INTS6L: variants seen among roughly 807,000 people sequenced by gnomAD.
INTS6L encodes the protein integrator complex subunit 6 like.
A neutral mutation model predicts 64.7 loss-of-function variants in INTS6L; 18 were observed. The ratio of observed to expected loss-of-function variants is 0.28; its 90% CI spans 0.19 to 0.41. The LOEUF is 0.41. INTS6L is among the 10% of genes least tolerant of loss of function. INTS6L has a pLI of 1.00. For missense variants in INTS6L, 533 were observed against 661.0 expected (o/e 0.81, Z 2.12); for synonymous variants, 227 against 235.9 (o/e 0.96, Z 0.34).
chrX:135,579,046 G>C (rs1381558549), intron 15 of INTS6L, among the ~76,000 whole-genome samples: 1 of 111,005 alleles, frequency 9.0e-6, no homozygotes, highest in Non-Finnish European at 1.9e-5. Flanking sequence ...AAGGCCTGTA[G>C]ATGACTTCCC....
At chrX:135,521,550 G>C (rs1392550643) in intron 2 of INTS6L, among the ~76,000 whole-genome samples, 4 of 111,017 alleles carry the variant, frequency 3.6e-5, no homozygotes, top group Non-Finnish European at 5.7e-5. Context: ...AACCGCAGGA[G>C]GGCCGAGCTC....
chrX:135,520,796 T>G lies in INTS6L; in HGVS notation c.-197T>G. 4.6e-6 allele frequency: 2 copies of G among 433,969 alleles called. No individual in the cohort carries two copies. Among genetic ancestry groups the G allele is most frequent in the South Asian group, 7.2e-5 (2 of 27,796 alleles). The allele number at this position is 433,969 out of a possible 1,213,427, so 35.8% of individuals were successfully genotyped here. A position where few individuals can be genotyped will look rare whatever the true frequency, so the allele number is the denominator to read the frequency against. ...ACACGCTCACACTTTCAAGTTCCCT[T>G]GGAGGGAGAGGAGGTGGGGCTGCAG... is the stretch of plus-strand genomic sequence containing the variant. On this transcript the variant is annotated 5_prime_UTR_variant, in exon 1 of 18. Coordinates refer to ENST00000639893, the MANE Select transcript of INTS6L (RefSeq NM_001351601.3).
chrX:135,534,750 G>C (rs7878322), intron 2 of INTS6L, among the ~76,000 whole-genome samples: 1 of 101,909 alleles, frequency 9.8e-6, no homozygotes, highest in Non-Finnish European at 2.0e-5. Context: ...TGGCGTTATC[G>C]TAGCTCACTG....
At chrX:135,559,104 T>C (rs1483328424) in intron 9 of INTS6L, among the ~76,000 whole-genome samples, 1 of 111,932 alleles carries the variant, frequency 8.9e-6, no homozygotes, top group Non-Finnish European at 1.9e-5. Context: ...TTTAATAGGA[T>C]TTTTAAAAAA....
Position 135,577,123 on chromosome X carries a change from G to C in INTS6L, c.1885-70G>C. On this transcript the variant is annotated intron_variant, in intron 14 of 17. Transcript: ENST00000639893. ...AAGATTGATTATGTATGCATATTAA[G>C]AGTGCTTGCAGTTATATAATAGTGG... 4.1e-6 allele frequency: 4 copies of C among 979,839 alleles called. No individual in the cohort carries two copies. In the South Asian group the frequency reaches 6.2e-5, roughly 15 times the overall value. The allele number at this position is 979,839 out of a possible 1,213,427, so 80.7% of individuals were successfully genotyped here.
At chrX:135,531,397 G>T (rs1556504975) in intron 2 of INTS6L, among the ~76,000 whole-genome samples, 1 of 112,280 alleles carries the variant, frequency 8.9e-6, no homozygotes, top group African/African-American at 3.2e-5. Flanking sequence ...CTGAGTGCAG[G>T]ACATCTCCAC....
At position 135,572,865 on chromosome X, in the gene INTS6L, C is replaced by T. The variant is rs782209316; in HGVS notation, c.1449C>T (p.Pro483=). The T allele has an allele frequency of 1.8e-5, 22 of 1,211,257 alleles. No individual in the cohort carries two copies. Among genetic ancestry groups the T allele is most frequent in the Admixed American group, 1.1e-4 (5 of 46,009 alleles). ...RILASVGKKP[P]QEIGIKVKNH... is the part of the protein sequence containing the mutation. ...TAGCATCAGTGGGGAAGAAACCTCC[C>T]CAGGAAATTGGAATTAAAGTGAAAA... is the stretch of plus-strand genomic sequence containing the variant. Residue 483 remains proline, a synonymous_variant, in exon 12 of 18, where the codon CCC becomes CCT. Coordinates refer to ENST00000639893, the MANE Select transcript of INTS6L (RefSeq NM_001351601.3).
intron 2 of INTS6L, among the ~76,000 whole-genome samples, chrX:135,543,575 A>G (rs1397095809): frequency 9.0e-6 from 1 of 111,579 alleles, no homozygotes; most frequent in Non-Finnish European, 1.9e-5. Context: ...ACCCCTCAAG[A>G]GCTAATTCCT....
chrX:135,577,664 G>A (rs1395298458), intron 15 of INTS6L, among the ~76,000 whole-genome samples: 1 of 111,980 alleles, frequency 8.9e-6, no homozygotes, highest in East Asian at 2.8e-4. Flanking sequence ...TTAACACACA[G>A]TAATTAACAG....
chrX:135,525,566 T>C (rs1010104780), intron 2 of INTS6L, among the ~76,000 whole-genome samples: 1 of 112,599 alleles, frequency 8.9e-6, no homozygotes, highest in Non-Finnish European at 1.9e-5. Context: ...CTGCATGCCT[T>C]TGACAACATG....
At chrX:135,546,235 CCATTTCGTTCCCTGGT>C (rs1395410395) in intron 3 of INTS6L, 129 bp from the exon 4 acceptor site, 1 of 344,130 alleles carries the variant, frequency 2.9e-6, no homozygotes, top group African/African-American at 2.7e-5. Context: ...TTATTCCTAC[CCATTTCGTTCCCTGGT>C]CATTTCTTCC....
chrX:135,572,696 C>T (rs1308941683), intron 11 of INTS6L, 119 bp from the exon 12 acceptor site: 1 of 592,896 alleles, frequency 1.7e-6, no homozygotes, highest in East Asian at 3.6e-5. Flanking sequence ...ATCCATTTTT[C>T]TGTGATTTGT....
intron 6 of INTS6L, among the ~76,000 whole-genome samples, chrX:135,547,579 A>G (rs2086389380): frequency 8.9e-6 from 1 of 112,194 alleles, no homozygotes; most frequent in Non-Finnish European, 1.9e-5. Flanking sequence ...GAGATTCACT[A>G]TGGTGTACAC....
chrX:135,560,052 G>T (rs1205284492), intron 9 of INTS6L, among the ~76,000 whole-genome samples: 1 of 112,163 alleles, frequency 8.9e-6, no homozygotes, highest in Non-Finnish European at 1.9e-5. Context: ...CCCTCTGACA[G>T]ATAGGTGACT....
intron 2 of INTS6L, 55 bp downstream of exon 2, chrX:135,521,373 G>A (rs2085546512): frequency 4.5e-6 from 5 of 1,122,791 alleles, no homozygotes; most frequent in Non-Finnish European, 6.0e-6. Context: ...GTCGGCGGGG[G>A]CTGCTTACCC....
At chrX:135,550,408 C>G (rs2086469739) in intron 7 of INTS6L, among the ~76,000 whole-genome samples, 1 of 100,216 alleles carries the variant, frequency 1.0e-5, no homozygotes. Context: ...ATTACAGTTG[C>G]TCCCAGTGCC....
rs782736683 is a variant in INTS6L, at chrX:135,556,348, T to C, written c.1192+48T>C. On this transcript the variant is annotated intron_variant, in intron 9 of 17. Coordinates refer to ENST00000639893, the MANE Select transcript of INTS6L (RefSeq NM_001351601.3). Reference sequence around the variant, plus strand: ...AATCATCTTTAAAATACAACAGAAATGAAAAATCGATAATAGACTAAGCAT... The same window carrying C: ...AATCATCTTTAAAATACAACAGAAACGAAAAATCGATAATAGACTAAGCAT... 29 of 1,049,630 alleles carry C rather than the reference T, an allele frequency of 2.8e-5. No individual in the cohort carries two copies. The African/African-American group carries it at 3.3e-4, about 12-fold the overall frequency. The allele number at this position is 1,049,630 out of a possible 1,213,427, so 86.5% of individuals were successfully genotyped here.
rs189664110 is a variant in INTS6L, at chrX:135,563,341, C to T, written c.1193-5996C>T. ...ATACATGAGGCAGTGTTATAACTTT[C>T]GCTTCAACTGTCAAACATAATTTAG... is the stretch of plus-strand genomic sequence containing the variant. On this transcript the variant is annotated intron_variant, in intron 9 of 17. Coordinates refer to ENST00000639893, the MANE Select transcript of INTS6L (RefSeq NM_001351601.3). 3.9e-4 allele frequency among the ~76,000 whole-genome samples: 43 copies of T among 110,623 alleles called. No individual in the cohort carries two copies. In the East Asian group the frequency reaches 0.011, roughly 27 times the overall value.
chrX:135,541,486 C>T (rs1263788361), intron 2 of INTS6L, among the ~76,000 whole-genome samples: 1 of 112,056 alleles, frequency 8.9e-6, no homozygotes, highest in African/African-American at 3.2e-5. Flanking sequence ...CATCACATCT[C>T]GATCCAAACT....
Sources: gnomAD v4.1 joint callset for allele counts (sites outside exome capture counted in the v4.1 genomes callset) on GRCh38, gnomAD v4.1.1 for gene constraint, MANE v1.5 for transcripts, NCBI Gene and HGNC (gene_info 2026-07-23, HGNC 2026-07-21) for gene names.